Variants in BIRC6 observed in about 807,000 individuals in gnomAD.
BIRC6 encodes the protein baculoviral IAP repeat containing 6.
Under a neutral mutation model 503.3 loss-of-function variants are expected in BIRC6, and 98 were observed. The observed-to-expected ratio is 0.19, with a 90% confidence interval of 0.17 to 0.23. The LOEUF is 0.23. BIRC6 is among the 10% of genes least tolerant of loss of function. The pLI is 1.00. For synonymous variants in BIRC6, 2,240 were observed against 2,078.7 expected (o/e 1.08, Z -2.11); for missense variants, 5,360 against 5,806.0 (o/e 0.92, Z 2.50).
At chr2:32,561,965 C>T (rs981756993) in intron 65 of BIRC6, among the ~76,000 whole-genome samples, 1 of 151,766 alleles carries the variant, frequency 6.6e-6, no homozygotes, top group African/African-American at 2.4e-5. Context: ...TTGGTTGAAC[C>T]CGGGAGGTGA....
rs559011041 is a variant in BIRC6 at position 32,541,542 on chromosome 2, T to A, written c.12292-1699T>A. ...AAAAATCACCCCACAGAGTTACCTA[T>A]CAGTCTACTAAAGTCATACAGGAAG... On this transcript the variant is annotated intron_variant, in intron 61 of 73. Transcript: ENST00000421745. Among the ~76,000 whole-genome samples the A allele has an allele frequency of 5.8e-4, 88 of 152,182 alleles. No individual in the cohort carries two copies. In the Middle Eastern group the frequency reaches 0.01, roughly 18 times the overall value.
In BIRC6 at chr2:32,525,539, C is replaced by T. The variant is rs770460868; in HGVS notation, c.11831C>T (p.Pro3944Leu). The T allele has an allele frequency of 2.2e-5, 36 of 1,613,928 alleles. No homozygotes were observed. Among genetic ancestry groups the T allele is most frequent in the Non-Finnish European group, 3.1e-5 (36 of 1,179,854 alleles). Residue 3944 changes from proline (P) to leucine (L), a missense_variant, in exon 59 of 74, where the codon CCT (proline) becomes CTT (leucine). Physicochemically the swap from Pro to Leu is moderately conservative, Grantham distance 98 (BLOSUM62 -3). Transcript: ENST00000421745. ...CCATCCAGGAGGGGGAGGACAATACCTGATAAAATAGGAAGTACTTCAGGA... is the reference window on the plus strand; with the variant it reads ...CCATCCAGGAGGGGGAGGACAATACTTGATAAAATAGGAAGTACTTCAGGA... ...RPPSRRGRTI[P>L]DKIGSTSGAE...
In BIRC6 at chr2:32,467,640, A is replaced by G; in HGVS notation, c.5472A>G (p.Glu1824=). 1 of 1,613,938 alleles carries G rather than the reference A, an allele frequency of 6.2e-7. No homozygotes were observed. The highest frequency in any genetic ancestry group is 1.1e-5 in the South Asian group (1 of 91,082). ...SLSIDIWTLG[E]EVDGRRLVVA... Reference sequence around the variant, plus strand: ...CAATTGACATTTGGACATTAGGAGAAGAGGTGGATGGAAGGCGGTTGGTAG... The same window carrying G: ...CAATTGACATTTGGACATTAGGAGAGGAGGTGGATGGAAGGCGGTTGGTAG... The change falls in exon 27 of 74, where the codon GAA becomes GAG. Residue 1824 remains glutamate (E), a synonymous_variant. Transcript: ENST00000421745.
intron 33 of BIRC6, among the ~76,000 whole-genome samples, chr2:32,474,233 T>G (rs1465463630): frequency 1.3e-5 from 2 of 152,188 alleles, no homozygotes; most frequent in African/African-American, 4.8e-5. Flanking sequence ...ACGTTTTTTA[T>G]TTTTCACTTC....
chr2:32,536,372 G>C (rs544859572), intron 61 of BIRC6, among the ~76,000 whole-genome samples: 10 of 152,238 alleles, frequency 6.6e-5, no homozygotes, highest in African/African-American at 2.4e-4. Flanking sequence ...TAGACATGAC[G>C]TCCTTGCCCA....
At chr2:32,599,021 CAAA>C (rs35744882) in intron 69 of BIRC6, among the ~76,000 whole-genome samples, 17 of 27,826 alleles carry the variant, frequency 6.1e-4, no homozygotes, top group Admixed American at 4.6e-3. Context: ...AACTCCATCT[CAAA>C]AAAAAAAAAA....
intron 3 of BIRC6, among the ~76,000 whole-genome samples, chr2:32,384,835 A>T (rs1191561112): frequency 6.6e-6 from 1 of 152,152 alleles, no homozygotes; most frequent in African/African-American, 2.4e-5. Context: ...TCATGTATAT[A>T]ATGTGTATAA....
At chr2:32,532,086 T>A (rs1483995809) in intron 61 of BIRC6, 1 of 528,690 alleles carries the variant, frequency 1.9e-6, no homozygotes, top group African/African-American at 1.9e-5. Flanking sequence ...AAACAAAACT[T>A]TGTGTTTGTT....
At chr2:32,504,567 T>C (rs1389960670) in intron 49 of BIRC6, among the ~76,000 whole-genome samples, 1 of 151,966 alleles carries the variant, frequency 6.6e-6, no homozygotes, top group African/African-American at 2.4e-5. Flanking sequence ...CTCGGGAGGC[T>C]GAGGCAGGAG....
rs753062991 is a variant in BIRC6 at position 32,617,731 on chromosome 2, A to G, written c.14401A>G (p.Thr4801Ala). ...SHHAAALKRH[T>A]AQLREELLKL... is the part of the protein sequence containing the mutation. Reference sequence around the variant, plus strand: ...GTCCTTTTCTCCTGCATAGCGTCACACTGCTCAGCTCCGCGAAGAGTTGCT... The same window carrying G: ...GTCCTTTTCTCCTGCATAGCGTCACGCTGCTCAGCTCCGCGAAGAGTTGCT... The change falls in exon 74 of 74, where the codon ACT becomes GCT. Residue 4801 changes from threonine (T) to alanine (A), a missense_variant. Transcript: ENST00000421745. The G allele has an allele frequency of 6.2e-7, 1 of 1,613,750 alleles. No individual in the cohort carries two copies. Among genetic ancestry groups the G allele is most frequent in the Non-Finnish European group, 8.5e-7 (1 of 1,179,780 alleles).
chr2:32,575,124 T>C (rs779666978), intron 65 of BIRC6, 32 bp from the exon 66 acceptor site: 2 of 1,604,592 alleles, frequency 1.2e-6, no homozygotes, highest in Non-Finnish European at 1.7e-6. Flanking sequence ...GTACATTTGC[T>C]CATTTTGTGC....
At chr2:32,490,395 A>G (rs558762057) in intron 43 of BIRC6, among the ~76,000 whole-genome samples, 2 of 152,194 alleles carry the variant, frequency 1.3e-5, no homozygotes, top group South Asian at 4.1e-4. Context: ...TAAAAATACA[A>G]AAGTTAGTGG....
chr2:32,518,681 A>C, intron 56 of BIRC6, 136 bp from the exon 57 acceptor site: 1 of 1,099,306 alleles, frequency 9.1e-7, no homozygotes, highest in Non-Finnish European at 1.3e-6. Flanking sequence ...AATCATGGCA[A>C]CTATGCCATA....
At chr2:32,519,112 C>G in intron 57 of BIRC6, 166 bp downstream of exon 57, 1 of 674,028 alleles carries the variant, frequency 1.5e-6, no homozygotes, top group South Asian at 2.4e-5. Context: ...GTCAAGTGGA[C>G]AAAATGTAAA....
At chr2:32,502,723 A>G in intron 47 of BIRC6, 72 bp from the exon 48 acceptor site, 1 of 1,138,228 alleles carries the variant, frequency 8.8e-7, no homozygotes, top group Admixed American at 2.6e-5. Context: ...AGGAAGGAAT[A>G]TTACATGCAT....
intron 72 of BIRC6, among the ~76,000 whole-genome samples, chr2:32,609,103 C>T (rs556922294): frequency 4.7e-4 from 72 of 151,702 alleles, no homozygotes; most frequent in African/African-American, 1.7e-3. Flanking sequence ...AGGCTGGTCT[C>T]GAATGCCTGA....
intron 50 of BIRC6, among the ~76,000 whole-genome samples, chr2:32,506,296 ATGT>A (rs929544137): frequency 1.3e-5 from 2 of 152,202 alleles, no homozygotes; most frequent in African/African-American, 2.4e-5. Context: ...GCTGTGGGAA[ATGT>A]TGTAGATTCC....
chr2:32,430,774 C>T, intron 11 of BIRC6, 91 bp from the exon 12 acceptor site: 2 of 960,512 alleles, frequency 2.1e-6, no homozygotes, highest in Non-Finnish European at 1.5e-6. Context: ...AGAAAACCTA[C>T]CCATGAATTA....
intron 66 of BIRC6, among the ~76,000 whole-genome samples, chr2:32,579,686 C>T (rs2060533099): frequency 3.3e-5 from 5 of 151,786 alleles, no homozygotes; most frequent in Admixed American, 2.6e-4. Context: ...GAGACCCACT[C>T]TGCATGTGTA....
Sources: allele counts gnomAD v4.1 joint callset (sites outside exome capture counted in the v4.1 genomes callset), GRCh38; gene constraint gnomAD v4.1.1; transcripts MANE v1.5; gene names NCBI Gene and HGNC (gene_info 2026-07-23, HGNC 2026-07-21).